The following EYA3 variants were observed in gnomAD, a reference collection of about 807,000 sequenced individuals.
The protein encoded by EYA3 is protein phosphatase EYA3.
A neutral mutation model predicts 80.0 loss-of-function variants in EYA3; 39 were observed. That is an observed-to-expected ratio of 0.49 (90% CI 0.38 to 0.64). The LOEUF (loss-of-function observed/expected upper bound fraction) is 0.64. EYA3 is among the 30% of genes least tolerant of loss of function. The pLI is 0.00. For synonymous variants in EYA3, 206 were observed against 232.8 expected, an observed-to-expected ratio of 0.88 and a Z score of 1.05; for missense variants, 523 against 676.1, an observed-to-expected ratio of 0.77 and a Z score of 2.51.
chr1:28,036,315 T>C (rs1008974481), intron 5 of EYA3, among the ~76,000 whole-genome samples: 4 of 152,232 alleles, frequency 2.6e-5, no homozygotes, highest in African/African-American at 9.6e-5. Flanking sequence ...ATTCATGCTC[T>C]TATGCCTACA....
In EYA3 at chr1:27,974,537, G is replaced by A. The variant is rs1188626378; in HGVS notation, c.1651C>T (p.Pro551Ser). Residue 551 changes from proline (P) to serine (S), a missense_variant, in exon 18 of 18, where the codon CCT (proline) becomes TCT (serine). Coordinates refer to ENST00000373871, the MANE Select transcript of EYA3 (RefSeq NM_001990.4). ...CCATGGTTTGTGATCCTCCAGAAAG[G>A]CATGTTGTGCTGGAAGAGAGTGGGA... ...EEIAAKQHNM[P>S]FWRITNHGDL... The A allele has an allele frequency of 5.0e-6, 8 of 1,612,144 alleles. No homozygotes were observed. The highest frequency in any genetic ancestry group is 6.8e-6 in the Non-Finnish European group (8 of 1,178,546).
chr1:28,006,745 C>T (rs918592674), intron 10 of EYA3, among the ~76,000 whole-genome samples: 9 of 151,760 alleles, frequency 5.9e-5, no homozygotes, highest in Admixed American at 1.3e-4. Flanking sequence ...AAAAATAAAT[C>T]CATAACTAGT....
At chr1:27,997,288 T>C in intron 13 of EYA3, 32 bp downstream of exon 13, 2 of 1,590,492 alleles carry the variant, frequency 1.3e-6, no homozygotes. Context: ...ATAACAGGTG[T>C]ACTGGTGTTC....
chr1:28,039,608 C>G (rs1643659305), intron 4 of EYA3, among the ~76,000 whole-genome samples: 1 of 152,156 alleles, frequency 6.6e-6, no homozygotes, highest in South Asian at 2.1e-4. Flanking sequence ...ATTACTACTT[C>G]TGGTATGAAC....
intron 13 of EYA3, among the ~76,000 whole-genome samples, chr1:27,996,754 T>C (rs557144540): frequency 6.6e-6 from 1 of 152,376 alleles, no homozygotes; most frequent in African/African-American, 2.4e-5. Flanking sequence ...TTTTTTCTTA[T>C]AAGTCTTTAA....
chr1:28,087,824 C>A (rs12069186), intron 1 of EYA3, among the ~76,000 whole-genome samples: 9,074 of 152,208 alleles, frequency 0.06, 849 homozygotes, highest in African/African-American at 0.2. Flanking sequence ...TTGAGAGAGC[C>A]CCAAAACTGA....
intron 1 of EYA3, among the ~76,000 whole-genome samples, chr1:28,070,394 T>C (rs547624891): frequency 1.2e-4 from 18 of 152,110 alleles, no homozygotes; most frequent in African/African-American, 4.1e-4. Flanking sequence ...ACCCCCCGTC[T>C]CTACTAAAAA....
Position 28,013,655 on chromosome 1 carries a change from A to G in EYA3, c.586-361T>C, listed in dbSNP as rs530239112. Among the ~76,000 whole-genome samples, 1 of 152,344 alleles carries G rather than the reference A, an allele frequency of 6.6e-6. No individual in the cohort carries two copies. Among genetic ancestry groups the G allele is most frequent in the East Asian group, 1.9e-4 (1 of 5,190 alleles). On this transcript the variant is annotated intron_variant, in intron 8 of 17. Coordinates refer to ENST00000373871, the MANE Select transcript of EYA3 (RefSeq NM_001990.4). This position sits in a 1 kb window ranked among gnomAD's most constrained non-coding sequence, Gnocchi z 4.0. ...AATTTGAGGGAAAGATTCTACTCTA[A>G]GAGGTTTACAAACTGTTGCACTAGA...
Position 28,027,866 on chromosome 1 carries a change from T to A in EYA3, c.422A>T (p.Gln141Leu). ...TGTAGTGCAGGTAAGAACACTGTGTTGACTTGGAGATGGAGTCTGAATTAA... is the reference window on the plus strand; with the variant it reads ...TGTAGTGCAGGTAAGAACACTGTGTAGACTTGGAGATGGAGTCTGAATTAA... ...SGLIQTPSPS[Q>L]HSVLTCTTGL... The change falls in exon 7 of 18, where the codon CAA becomes CTA. Residue 141 changes from glutamine to leucine, a missense_variant. Coordinates refer to ENST00000373871, the MANE Select transcript of EYA3 (RefSeq NM_001990.4). The A allele has an allele frequency of 6.2e-7, 1 of 1,614,174 alleles. No homozygotes were observed. Among genetic ancestry groups the A allele is most frequent in the Non-Finnish European group, 8.5e-7 (1 of 1,180,024 alleles).
chr1:28,055,068 C>G (rs1344735617), intron 2 of EYA3, among the ~76,000 whole-genome samples: 1 of 152,132 alleles, frequency 6.6e-6, no homozygotes, highest in African/African-American at 2.4e-5. Context: ...TCTCTAAGAA[C>G]ACTCAACATC....
chr1:28,066,185 A>T (rs1038155647), intron 1 of EYA3, among the ~76,000 whole-genome samples: 4 of 152,156 alleles, frequency 2.6e-5, no homozygotes, highest in Admixed American at 2.0e-4. Flanking sequence ...ATGGAGAGAG[A>T]CTTCATCACA....
In EYA3 at chr1:28,027,666, C is replaced by T. The variant is rs975315642; in HGVS notation, c.499+123G>A. 5.8e-5 allele frequency: 74 copies of T among 1,267,260 alleles called. No homozygotes were observed. The East Asian group carries it at 1.4e-3, about 24-fold the overall frequency. 78.5% of individuals were successfully genotyped at this position (1,267,260 alleles called of 1,614,324 possible). A position where few individuals can be genotyped will look rare whatever the true frequency, so the allele number is the denominator to read the frequency against. ...CATGCACAAATCCAAGTATCACCCC[C>T]TTTCTACTTTAGAAGACAGAGCTCC... On this transcript the variant is annotated intron_variant, in intron 7 of 17. Coordinates refer to ENST00000373871, the MANE Select transcript of EYA3 (RefSeq NM_001990.4).
intron 2 of EYA3, among the ~76,000 whole-genome samples, chr1:28,051,287 A>G (rs937367253): frequency 6.6e-6 from 1 of 152,196 alleles, no homozygotes; most frequent in Non-Finnish European, 1.5e-5. Context: ...AGGCAGCAAA[A>G]TACAAGACAA....
chr1:28,020,786 C>T (rs942201345), intron 7 of EYA3, among the ~76,000 whole-genome samples: 6 of 150,166 alleles, frequency 4.0e-5, no homozygotes, highest in Admixed American at 2.7e-4. Context: ...ACAAAAACTA[C>T]AAATTTAGAG....
chr1:28,073,103 T>TTCTATATA lies in EYA3; in HGVS notation c.-68-15010_-68-15009insTATATAGA, dbSNP rs1447435853. Among the ~76,000 whole-genome samples the TTCTATATA allele has an allele frequency of 6.6e-4, 25 of 37,750 alleles. 6 individuals carry two copies. The highest frequency in any genetic ancestry group is 8.0e-4 in the African/African-American group (5 of 6,248). 24.8% of individuals were successfully genotyped at this position (37,750 alleles called of 152,430 possible). ...ATCCTTTTTGGGATTGATGAAACTATTATATATATATATATATATATATAT... is the reference window on the plus strand; with the variant it reads ...ATCCTTTTTGGGATTGATGAAACTATTCTATATATATATATATATATATATATATATAT... On this transcript the variant is annotated intron_variant, in intron 1 of 17. Transcript: ENST00000373871.
intron 3 of EYA3, among the ~76,000 whole-genome samples, chr1:28,043,330 G>GA (rs59720447): frequency 0.046 from 5,734 of 125,086 alleles, 173 homozygotes; most frequent in African/African-American, 0.093. Flanking sequence ...GCTTTTTTGT[G>GA]AAAAAAAAAA....
intron 1 of EYA3, among the ~76,000 whole-genome samples, chr1:28,068,010 T>C (rs1024766421): frequency 6.6e-6 from 1 of 152,060 alleles, no homozygotes; most frequent in African/African-American, 2.4e-5. Context: ...TTGTCTGAAG[T>C]TTTTTGTCCT....
intron 11 of EYA3, among the ~76,000 whole-genome samples, chr1:28,003,575 A>C (rs999275234): frequency 2.0e-5 from 3 of 152,174 alleles, no homozygotes; most frequent in African/African-American, 7.2e-5. Flanking sequence ...TAAAGGAGGC[A>C]AATATTTTTA....
intron 6 of EYA3, among the ~76,000 whole-genome samples, chr1:28,030,793 CAATAAA>C (rs1643096893): frequency 6.6e-6 from 1 of 152,074 alleles, no homozygotes; most frequent in Admixed American, 6.6e-5. Context: ...TGATTTTCAA[CAATAAA>C]AATATTTGAG....
Sources: allele counts gnomAD v4.1 joint callset (sites outside exome capture counted in the v4.1 genomes callset), GRCh38; gene constraint gnomAD v4.1.1; non-coding constraint Gnocchi (gnomAD v3.1); transcripts MANE v1.5; gene names NCBI Gene and HGNC (gene_info 2026-07-23, HGNC 2026-07-21).